Variants in PIR observed in about 807,000 individuals in gnomAD.
The protein encoded by PIR is pirin (iron-binding nuclear protein).
Under a neutral mutation model 24.2 loss-of-function variants are expected in PIR, and 22 were observed. That is an observed-to-expected ratio of 0.91 (90% CI 0.65 to 1.30). The LOEUF (loss-of-function observed/expected upper bound fraction) is 1.30, where lower values mean the gene tolerates loss of function less well. Ranked by LOEUF, PIR falls within the 50% of genes most tolerant of loss-of-function variation. The probability of loss-of-function intolerance (pLI) is 0.00; values close to 1 mark genes in which losing one functional copy is unlikely to be tolerated. For synonymous variants in PIR, 80 were observed against 79.6 expected (o/e 1.00, Z -0.03); for missense variants, 220 against 220.3 (o/e 1.00, Z 0.01).
intron 6 of PIR, among the ~76,000 whole-genome samples, chrX:15,420,812 G>A (rs901873439): frequency 9.0e-5 from 10 of 110,982 alleles, no homozygotes; most frequent in African/African-American, 1.6e-4. Context: ...ACTCCAGCCT[G>A]GGTGACACAG....
chrX:15,447,349 C>T (rs1266875870), intron 5 of PIR, among the ~76,000 whole-genome samples: 3 of 110,165 alleles, frequency 2.7e-5, no homozygotes, highest in Non-Finnish European at 5.7e-5. Flanking sequence ...ACTCTGTCGC[C>T]CAGGGCCCAG....
chrX:15,406,188 C>T (rs1262911526), intron 7 of PIR, among the ~76,000 whole-genome samples: 2 of 112,001 alleles, frequency 1.8e-5, no homozygotes, highest in Non-Finnish European at 3.8e-5. Context: ...CCCTGAGATG[C>T]CCCACCCCAT....
intron 6 of PIR, among the ~76,000 whole-genome samples, chrX:15,415,923 T>C (rs1327471175): frequency 1.8e-5 from 2 of 110,545 alleles, no homozygotes; most frequent in African/African-American, 3.3e-5. Flanking sequence ...AAGGAGCCAA[T>C]TGATACATTT....
At chrX:15,398,709 T>TGTGTGA (rs1472559081) in intron 7 of PIR, among the ~76,000 whole-genome samples, 1 of 66,294 alleles carries the variant, frequency 1.5e-5, no homozygotes, top group African/African-American at 4.5e-5. Flanking sequence ...TGTGTGTGTG[T>TGTGTGA]GAAATTACCA....
In PIR at chrX:15,411,529, G is replaced by A. The variant is rs770104017; in HGVS notation, c.566-3979C>T. ...ATGTGCAGAAAAAATAGAAAAACACGGCCTGGTGACACACCAACACCATTA... is the reference window on the plus strand; with the variant it reads ...ATGTGCAGAAAAAATAGAAAAACACAGCCTGGTGACACACCAACACCATTA... On this transcript the variant is annotated intron_variant, in intron 6 of 9. Coordinates refer to ENST00000380420, the MANE Select transcript of PIR (RefSeq NM_001018109.3). Among the ~76,000 whole-genome samples the A allele has an allele frequency of 2.7e-5, 3 of 110,803 alleles. No homozygotes were observed. In the South Asian group the frequency reaches 1.2e-3, roughly 43 times the overall value.
intron 5 of PIR, among the ~76,000 whole-genome samples, chrX:15,454,387 C>T (rs1265959428): frequency 1.8e-5 from 2 of 109,548 alleles, no homozygotes; most frequent in African/African-American, 6.7e-5. Flanking sequence ...ACTTTGTGAA[C>T]TTTGATTTTT....
chrX:15,472,275 C>T (rs1921963951), intron 3 of PIR, among the ~76,000 whole-genome samples: 1 of 112,004 alleles, frequency 8.9e-6, no homozygotes, highest in Admixed American at 9.4e-5. Flanking sequence ...TCAGCGAAAA[C>T]CAATAATCTT....
intron 8 of PIR, among the ~76,000 whole-genome samples, chrX:15,391,607 G>A (rs1298057450): frequency 1.8e-5 from 2 of 111,702 alleles, no homozygotes; most frequent in African/African-American, 6.5e-5. Context: ...TGAAATTAAG[G>A]AGAACTGTAG....
At chrX:15,479,684 T>C (rs1922397730) in intron 3 of PIR, 45 bp downstream of exon 3, 2 of 597,799 alleles carry the variant, frequency 3.3e-6, no homozygotes, top group Admixed American at 7.0e-5. Context: ...AAGAAAGAGG[T>C]ATGTTTCAAA....
chrX:15,488,057 T>C (rs1261573600), intron 2 of PIR, among the ~76,000 whole-genome samples: 1 of 110,096 alleles, frequency 9.1e-6, no homozygotes, highest in East Asian at 2.8e-4. Flanking sequence ...GGTGGGCGGA[T>C]CACCTGAGGT....
intron 3 of PIR, among the ~76,000 whole-genome samples, chrX:15,478,069 C>A (rs1374380794): frequency 2.9e-5 from 3 of 102,445 alleles, no homozygotes; most frequent in Non-Finnish European, 5.9e-5. Context: ...TATATTTAAT[C>A]ATTCATTTTA....
chrX:15,487,888 A>C (rs973331176), intron 2 of PIR, among the ~76,000 whole-genome samples: 3 of 112,640 alleles, frequency 2.7e-5, no homozygotes, highest in Non-Finnish European at 5.6e-5. Context: ...GCGGCTGTGA[A>C]TATTGAGTGC....
chrX:15,402,668 G>C (rs1309873991), intron 7 of PIR, among the ~76,000 whole-genome samples: 1 of 107,275 alleles, frequency 9.3e-6, no homozygotes, highest in Non-Finnish European at 1.9e-5. Context: ...CCCCTGCCCA[G>C]CCCCCAACTA....
At chrX:15,393,825 C>T (rs1220316682) in intron 8 of PIR, among the ~76,000 whole-genome samples, 3 of 102,972 alleles carry the variant, frequency 2.9e-5, no homozygotes, top group Non-Finnish European at 5.9e-5. Flanking sequence ...TTATTTCTGT[C>T]ACTGTCTCCC....
At chrX:15,388,733 G>A (rs1012843382) in intron 9 of PIR, among the ~76,000 whole-genome samples, 2 of 112,088 alleles carry the variant, frequency 1.8e-5, no homozygotes, top group African/African-American at 6.5e-5. Context: ...AAGGACACAC[G>A]ATGATAAGAG....
intron 8 of PIR, among the ~76,000 whole-genome samples, chrX:15,394,215 C>A (rs1275609370): frequency 8.9e-6 from 1 of 111,802 alleles, no homozygotes; most frequent in Non-Finnish European, 1.9e-5. Flanking sequence ...GTTTATACTT[C>A]TTGGGCCAAT....
At chrX:15,442,238 T>C (rs1470230970) in intron 5 of PIR, among the ~76,000 whole-genome samples, 2 of 111,138 alleles carry the variant, frequency 1.8e-5, no homozygotes, top group African/African-American at 6.6e-5. Context: ...ATCTATTATC[T>C]GTGATCTTTG....
At chrX:15,474,055 G>A (rs1279070244) in intron 3 of PIR, among the ~76,000 whole-genome samples, 3 of 111,432 alleles carry the variant, frequency 2.7e-5, no homozygotes, top group South Asian at 3.7e-4. Flanking sequence ...AGAAAACTTC[G>A]GACAAATTAA....
In PIR at chrX:15,484,611, G is replaced by A. The variant is rs62578876; in HGVS notation, c.97-4790C>T. 7.8e-3 allele frequency among the ~76,000 whole-genome samples: 865 copies of A among 111,315 alleles called. 4 individuals carry two copies. The highest frequency in any genetic ancestry group is 0.023 in the Middle Eastern group (5 of 218). On this transcript the variant is annotated intron_variant, in intron 2 of 9. Coordinates refer to ENST00000380420, the MANE Select transcript of PIR (RefSeq NM_001018109.3). ...ATTACAGGCATGAGCCACTGCGCCC[G>A]GCCTCAATCTTCTTAAAGAATACCT...
Sources: allele counts gnomAD v4.1 joint callset (sites outside exome capture counted in the v4.1 genomes callset), GRCh38; gene constraint gnomAD v4.1.1; transcripts MANE v1.5; gene names NCBI Gene and HGNC (gene_info 2026-07-23, HGNC 2026-07-21).